DIDO1: variants seen among roughly 807,000 people sequenced by gnomAD.
The protein encoded by DIDO1 is death inducer-obliterator 1.
In DIDO1, 16 loss-of-function variants were observed where a neutral mutation model predicts 99.4. The ratio of observed to expected loss-of-function variants is 0.16; its 90% confidence interval spans 0.11 to 0.24. The LOEUF (loss-of-function observed/expected upper bound fraction) is 0.24, where lower values mean the gene tolerates loss of function less well. Ranked by LOEUF, DIDO1 falls within the 10% of genes least tolerant of loss-of-function variation. The pLI is 1.00. For missense variants in DIDO1, 2,996 were observed against 3,014.0 expected, an observed-to-expected ratio of 0.99 and a Z score of 0.14; for synonymous variants, 1,366 against 1,239.1, an observed-to-expected ratio of 1.10 and a Z score of -2.15.
intron 6 of DIDO1, 62 bp downstream of exon 6, chr20:62,905,825 G>A: frequency 6.2e-7 from 1 of 1,613,986 alleles, no homozygotes; most frequent in South Asian, 1.1e-5. Flanking sequence ...GACAGGCCCA[G>A]GGGATGGCTA....
At position 62,880,250 on chromosome 20, in the gene DIDO1, G is replaced by A. The variant is rs779460963; in HGVS notation, c.5706C>T (p.Gly1902=). The A allele has an allele frequency of 1.9e-6, 3 of 1,612,438 alleles. No homozygotes were observed. Among genetic ancestry groups the A allele is most frequent in the South Asian group, 2.2e-5 (2 of 91,080 alleles). ...QRRPLLSQLK[G]PRGGPPPSQF... is the part of the protein sequence containing the mutation. ...GAGAGGGAGGGGGGCCGCCTCGGGG[G>A]CCTTTCAGCTGAGACAGCAGTGGCC... is the stretch of plus-strand genomic sequence containing the variant. Residue 1902 remains glycine (G), a synonymous_variant, in exon 16 of 16, where the codon GGC becomes GGT. Transcript: ENST00000395343.
intron 15 of DIDO1, 127 bp downstream of exon 15, chr20:62,890,833 G>GC: frequency 2.5e-6 from 4 of 1,569,894 alleles, no homozygotes; most frequent in Non-Finnish European, 3.4e-6. Flanking sequence ...GCTAACCGCT[G>GC]CGTCTGTGCT....
intron 1 of DIDO1, among the ~76,000 whole-genome samples, chr20:62,932,872 T>A (rs2065345115): frequency 6.6e-6 from 1 of 152,126 alleles, no homozygotes; most frequent in Non-Finnish European, 1.5e-5. Flanking sequence ...CAATCACCAG[T>A]GAAGATTCTT....
At chr20:62,889,323 G>C in intron 15 of DIDO1, 5 of 985,298 alleles carry the variant, frequency 5.1e-6, no homozygotes, top group Non-Finnish European at 4.8e-6. Context: ...GCCCAGTGTG[G>C]GGAACCCGGT....
chr20:62,926,484 G>C lies in DIDO1; in HGVS notation c.-245C>G, dbSNP rs995069193. ...CAGCCATTTCCCCGAACGCCGCGGA[G>C]TGGGCGGACGGCCACCGAGATGGCG... On this transcript the variant is annotated 5_prime_UTR_variant, in exon 1 of 16. Coordinates refer to ENST00000395343, the MANE Select transcript of DIDO1 (RefSeq NM_001193369.2). The C allele has an allele frequency of 3.0e-4, 46 of 151,836 alleles. No homozygotes were observed. The highest frequency in any genetic ancestry group is 6.8e-3 in the Middle Eastern group (2 of 294). The allele number at this position is 151,836 out of a possible 1,614,324, so 9.4% of individuals were successfully genotyped here. A position where few individuals can be genotyped will look rare whatever the true frequency, so the allele number is the denominator to read the frequency against.
chr20:62,880,620 G>C lies in DIDO1; in HGVS notation c.5336C>G (p.Pro1779Arg), dbSNP rs766683136. The change falls in exon 16 of 16, where the codon CCT becomes CGT. Residue 1779 changes from proline (P) to arginine (R), a missense_variant. By Grantham distance (103) the Pro-to-Arg change is moderately radical. This residue lies in a region of DIDO1 where 1,562 missense variants were observed against 1,412.6 expected (regional missense o/e 1.11). Coordinates refer to ENST00000395343, the MANE Select transcript of DIDO1 (RefSeq NM_001193369.2). The stretch of plus-strand genomic sequence containing the variant: ...AGCGATATTCTCTTCTGGAAACGGA[G>C]GGGCTGGCCCCCTTGGTCCCGGGAA... ...PNFPGPRGPA[P>R]PFPEENIASN... 17 of 1,612,922 alleles carry C rather than the reference G, an allele frequency of 1.1e-5. No individual in the cohort carries two copies. The highest frequency in any genetic ancestry group is 1.4e-5 in the Non-Finnish European group (17 of 1,180,016).
At chr20:62,916,068 CAT>C (rs3065918) in intron 1 of DIDO1, among the ~76,000 whole-genome samples, 2,710 of 152,156 alleles carry the variant, frequency 0.018, 89 homozygotes, top group African/African-American at 0.062. Context: ...AAAATAAAAA[CAT>C]ATGTATATCA....
chr20:62,931,509 G>C (rs887233153), intron 1 of DIDO1, among the ~76,000 whole-genome samples: 1 of 152,220 alleles, frequency 6.6e-6, no homozygotes, highest in Non-Finnish European at 1.5e-5. Flanking sequence ...GACAGATTCT[G>C]ACAGAATAAG....
intron 15 of DIDO1, chr20:62,890,594 C>T (rs2064376537): frequency 9.2e-7 from 1 of 1,085,172 alleles, no homozygotes; most frequent in Admixed American, 4.7e-5. Context: ...TGTGTGCTGG[C>T]TCCCGAGTCT....
intron 6 of DIDO1, chr20:62,905,552 T>G: frequency 6.4e-7 from 1 of 1,551,008 alleles, no homozygotes; most frequent in South Asian, 1.2e-5. Context: ...CCGGGCAGTG[T>G]GGCTATGCAA....
chr20:62,894,410 C>T lies in DIDO1; in HGVS notation c.2572+3G>A. The T allele has an allele frequency of 1.9e-6, 3 of 1,611,534 alleles. No homozygotes were observed. Among genetic ancestry groups the T allele is most frequent in the Non-Finnish European group, 2.5e-6 (3 of 1,180,012 alleles). The stretch of plus-strand genomic sequence containing the variant: ...AAGGCTCCATCCCCTGCACTGTGCT[C>T]ACCTGTGCAAATTTTACAGTTGAGA... On this transcript the variant is annotated splice_donor_region_variant and intron_variant, in intron 11 of 15. Transcript: ENST00000395343. This position sits in a 1 kb window ranked among gnomAD's most constrained non-coding sequence, Gnocchi z 4.4.
chr20:62,929,692 A>AAAAAAAAATATATATATAT, upstream of DIDO1, among the ~76,000 whole-genome samples: 123 of 63,718 alleles, frequency 1.9e-3, no homozygotes, highest in African/African-American at 9.0e-3. Context: ...AAAAAGAAAA[A>AAAAAAAAATATATATATAT]GTGTATATAT....
At chr20:62,905,191 T>C (rs2064773079) in intron 6 of DIDO1, 10 of 1,103,030 alleles carry the variant, frequency 9.1e-6, no homozygotes, top group Non-Finnish European at 8.9e-6. Flanking sequence ...CAGTCACATG[T>C]AGAATACCAA....
chr20:62,880,963 A>C lies in DIDO1; in HGVS notation c.4993T>G (p.Cys1665Gly). Residue 1665 changes from cysteine (C) to glycine (G), a missense_variant, in exon 16 of 16, where the codon TGC becomes GGC. Around this residue, in one of 5 missense-constraint regions of DIDO1, gnomAD observed 1,562 missense variants for 1,412.6 expected, o/e 1.11. Coordinates refer to ENST00000395343, the MANE Select transcript of DIDO1 (RefSeq NM_001193369.2). The part of the protein sequence containing the change: ...ARRVLLPTPP[C>G]GALQPGFPLQ... ...GGGAAGCCGGGCTGCAGGGCGCCGC[A>C]AGGCGGTGTGGGCAGCAGCACCCTC... 6.2e-7 allele frequency: 1 copy of C among 1,606,796 alleles called. No homozygotes were observed. The highest frequency in any genetic ancestry group is 8.5e-7 in the Non-Finnish European group (1 of 1,179,510).
At chr20:62,891,964 G>A (rs1448429233) in intron 14 of DIDO1, 23 bp downstream of exon 14, 26 of 1,586,850 alleles carry the variant, frequency 1.6e-5, no homozygotes, top group Non-Finnish European at 2.1e-5. Context: ...CATGGTTGCA[G>A]AATTTATACT....
In DIDO1 at chr20:62,896,674, G is replaced by T. The variant is rs747445506; in HGVS notation, c.1911C>A (p.Ala637=). 3 of 1,614,022 alleles carry T rather than the reference G, an allele frequency of 1.9e-6. No homozygotes were observed. The highest frequency in any genetic ancestry group is 2.5e-6 in the Non-Finnish European group (3 of 1,180,000). ...KFPGSAALVG[A]VRKPVVPSVP... is the part of the protein sequence containing the mutation. ...CAGAAGGTACCACTGGCTTCCTTAC[G>T]GCTCCCACCAAAGCAGCGGAGCCAG... The change falls in exon 7 of 16, where the codon GCC becomes GCA. Residue 637 remains alanine (A), a synonymous_variant. Coordinates refer to ENST00000395343, the MANE Select transcript of DIDO1 (RefSeq NM_001193369.2). The surrounding 1 kb of genome is among the most constrained non-coding windows in gnomAD (Gnocchi z 4.4).
rs1432607908 is a variant in DIDO1 at position 62,880,902 on chromosome 20, C to T, written c.5054G>A (p.Cys1685Tyr). Residue 1685 changes from cysteine to tyrosine, a missense_variant, in exon 16 of 16, where the codon TGC becomes TAC. Physicochemically the swap from Cys to Tyr is radical, Grantham distance 194. Coordinates refer to ENST00000395343, the MANE Select transcript of DIDO1 (RefSeq NM_001193369.2). Reference sequence around the variant, plus strand: ...CTTGTCCTGCGACGCGAACCCCGGGCAGGTGAAAGGGTCCCTCTCACCGTC... The same window carrying T: ...CTTGTCCTGCGACGCGAACCCCGGGTAGGTGAAAGGGTCCCTCTCACCGTC... ...QHDGERDPFT[C>Y]PGFASQDKAL... The T allele has an allele frequency of 6.2e-7, 1 of 1,611,456 alleles. No homozygotes were observed. Among genetic ancestry groups the T allele is most frequent in the Admixed American group, 1.7e-5 (1 of 60,028 alleles).
chr20:62,892,737 C>T lies in DIDO1; in HGVS notation c.3255+72G>A, dbSNP rs2064425762. ...TACCTCATGAATTAAGGGAGAAAGT[C>T]ATGTGTTTGACTCTAGTTTAGAAAC... On this transcript the variant is annotated intron_variant, in intron 13 of 15. Transcript: ENST00000395343. 10 of 1,521,096 alleles carry T rather than the reference C, an allele frequency of 6.6e-6. No individual in the cohort carries two copies. The East Asian group carries it at 2.3e-4, about 35-fold the overall frequency. 94.2% of individuals were successfully genotyped at this position (1,521,096 alleles called of 1,614,324 possible).
At chr20:62,919,923 G>A (rs977424005) in intron 1 of DIDO1, among the ~76,000 whole-genome samples, 3 of 152,206 alleles carry the variant, frequency 2.0e-5, no homozygotes, top group African/African-American at 7.2e-5. Flanking sequence ...TCGAGGTGAA[G>A]GAGAAGTGAG....
Sources: allele counts gnomAD v4.1 joint callset (sites outside exome capture counted in the v4.1 genomes callset), GRCh38; gene constraint gnomAD v4.1.1; regional missense constraint gnomAD v4.1.1; non-coding constraint Gnocchi (gnomAD v3.1); transcripts MANE v1.5; gene names NCBI Gene and HGNC (gene_info 2026-07-23, HGNC 2026-07-21).